ISM1: variants seen among roughly 807,000 people sequenced by gnomAD.
ISM1 encodes the protein isthmin 1, also known as isthmin-1.
In ISM1, 25 loss-of-function variants were observed where a neutral mutation model predicts 46.3. The observed-to-expected ratio is 0.54, with a 90% confidence interval of 0.39 to 0.75. ISM1 has a LOEUF of 0.75. Ranked by LOEUF, ISM1 falls within the 30% of genes least tolerant of loss-of-function variation. ISM1 has a pLI of 0.00. For missense variants in ISM1, 536 were observed against 625.4 expected (o/e 0.86, Z 1.52); for synonymous variants, 255 against 256.7 (o/e 0.99, Z 0.06).
chr20:13,270,569 A>C lies in ISM1; in HGVS notation c.204A>C (p.Pro68=). Reference sequence around the variant, plus strand: ...GCTTTTCTCTCTCCAAAGAAGCACCAAGGGAGCATCTGGACCACCAGGCTG... The same window carrying C: ...GCTTTTCTCTCTCCAAAGAAGCACCCAGGGAGCATCTGGACCACCAGGCTG... ...ETSFSLSKEA[P]REHLDHQAAH... Residue 68 remains proline (P), a synonymous_variant, in exon 2 of 6, where the codon CCA becomes CCC. Coordinates refer to ENST00000262487, the MANE Select transcript of ISM1 (RefSeq NM_080826.2). 1 of 1,613,950 alleles carries C rather than the reference A, an allele frequency of 6.2e-7. No individual in the cohort carries two copies. Among genetic ancestry groups the C allele is most frequent in the Non-Finnish European group, 8.5e-7 (1 of 1,179,836 alleles).
At chr20:13,294,831 AT>A (rs2040391112) in intron 5 of ISM1, among the ~76,000 whole-genome samples, 1 of 152,124 alleles carries the variant, frequency 6.6e-6, no homozygotes, top group African/African-American at 2.4e-5. Flanking sequence ...GAGAAGTGCT[AT>A]TTTTATGCCC....
At chr20:13,229,912 T>C (rs1000839713) in intron 1 of ISM1, among the ~76,000 whole-genome samples, 16 of 152,296 alleles carry the variant, frequency 1.1e-4, no homozygotes, top group Admixed American at 7.8e-4. Flanking sequence ...ACCTCCTCCA[T>C]AGAATTAATA....
chr20:13,322,267 A>C, the ISM1 span, among the ~76,000 whole-genome samples: 1 of 152,152 alleles, frequency 6.6e-6, no homozygotes, highest in African/African-American at 2.4e-5. Flanking sequence ...CGTCATCTTC[A>C]AAGGCAGTTT....
chr20:13,226,752 G>A (rs185720284), intron 1 of ISM1, among the ~76,000 whole-genome samples: 60 of 152,292 alleles, frequency 3.9e-4, no homozygotes, highest in Non-Finnish European at 8.1e-4. Flanking sequence ...TGGACTCAGA[G>A]CAGCAAGAGA....
rs202042016 is a variant in ISM1, at chr20:13,292,422, C to T, written c.836C>T (p.Ala279Val). 5.8e-5 allele frequency: 93 copies of T among 1,606,292 alleles called. No individual in the cohort carries two copies. Among genetic ancestry groups the T allele is most frequent in the Middle Eastern group, 4.9e-4 (3 of 6,078 alleles). ...RTAATEVSLL[A>V]GSEEFNATKL... ...GCTGCCACCGAAGTGAGTCTGCTTG[C>T]GGGAAGCGAGGAGTTTAATGCCACC... Residue 279 changes from alanine to valine, a missense_variant, in exon 5 of 6, where the codon GCG (alanine) becomes GTG (valine). Physicochemically the swap from Ala to Val is moderately conservative, Grantham distance 64. Around this residue, in one of 2 missense-constraint regions of ISM1, gnomAD observed 367 missense variants for 376.1 expected, o/e 0.98. Coordinates refer to ENST00000262487, the MANE Select transcript of ISM1 (RefSeq NM_080826.2).
At chr20:13,319,032 T>C in the ISM1 span, among the ~76,000 whole-genome samples, 1 of 152,184 alleles carries the variant, frequency 6.6e-6, no homozygotes, top group Non-Finnish European at 1.5e-5. Flanking sequence ...GTGATAATGA[T>C]GTGTCAATGT....
At chr20:13,289,712 G>A (rs2040332842) in intron 4 of ISM1, among the ~76,000 whole-genome samples, 1 of 151,954 alleles carries the variant, frequency 6.6e-6, no homozygotes, top group Non-Finnish European at 1.5e-5. Context: ...CTGCAACCAA[G>A]ACCATATGTG....
chr20:13,266,899 C>T (rs1275626806), intron 1 of ISM1, among the ~76,000 whole-genome samples: 1 of 152,276 alleles, frequency 6.6e-6, no homozygotes, highest in Admixed American at 6.5e-5. Flanking sequence ...GACTGATGTC[C>T]TCAACCAGGA....
rs1030063477 is a variant in ISM1, at chr20:13,300,340, C to T, written c.*881C>T. ...AACAAATGGGAAAAAGATAATGGACCGCATTTCACCTATTTTAATACTATT... is the reference window on the plus strand; with the variant it reads ...AACAAATGGGAAAAAGATAATGGACTGCATTTCACCTATTTTAATACTATT... On this transcript the variant is annotated 3_prime_UTR_variant, in exon 6 of 6. Coordinates refer to ENST00000262487, the MANE Select transcript of ISM1 (RefSeq NM_080826.2). 2.9e-4 allele frequency: 44 copies of T among 152,040 alleles called. No homozygotes were observed. Among genetic ancestry groups the T allele is most frequent in the South Asian group, 1.0e-3 (5 of 4,814 alleles). The allele number at this position is 152,040 out of a possible 1,614,324, so 9.4% of individuals were successfully genotyped here. A position where few individuals can be genotyped will look rare whatever the true frequency, so the allele number is the denominator to read the frequency against.
chr20:13,225,452 A>G (rs1238373733), intron 1 of ISM1, among the ~76,000 whole-genome samples: 1 of 152,216 alleles, frequency 6.6e-6, no homozygotes. Flanking sequence ...CATACATTAT[A>G]TATACATAAT....
chr20:13,322,738 T>C, the ISM1 span, among the ~76,000 whole-genome samples: 2 of 152,156 alleles, frequency 1.3e-5, no homozygotes, highest in Non-Finnish European at 2.9e-5. Flanking sequence ...GGGTGGAATA[T>C]GTGATCTTTA....
At chr20:13,293,833 G>T (rs939545355) in intron 5 of ISM1, among the ~76,000 whole-genome samples, 4 of 152,052 alleles carry the variant, frequency 2.6e-5, no homozygotes, top group Non-Finnish European at 5.9e-5. Context: ...AATTAGCTGG[G>T]CTTGGTGGCA....
chr20:13,287,564 T>A (rs1275018103), intron 3 of ISM1, among the ~76,000 whole-genome samples: 2 of 152,208 alleles, frequency 1.3e-5, no homozygotes, highest in Non-Finnish European at 2.9e-5. Context: ...ACTCATCAAT[T>A]TCTAACATGC....
intron 1 of ISM1, among the ~76,000 whole-genome samples, chr20:13,261,541 T>G (rs574510969): frequency 6.6e-6 from 1 of 152,142 alleles, no homozygotes; most frequent in East Asian, 1.9e-4. Flanking sequence ...CTACCATAAG[T>G]GCAGAGGTGC....
Position 13,292,379 on chromosome 20 carries a change from G to A in ISM1, c.793G>A (p.Glu265Lys), listed in dbSNP as rs1213218793. Residue 265 changes from glutamate to lysine, a missense_variant, in exon 5 of 6, where the codon GAA becomes AAA. Transcript: ENST00000262487. ...GAGCTCTTGTCTGTGTTTAGGAATT[G>A]AAGACACTTTTAGGACAGCTGCCAC... ...TCDRPNCPGI[E>K]DTFRTAATEV... 2 of 1,596,630 alleles carry A rather than the reference G, an allele frequency of 1.3e-6. No homozygotes were observed. Among genetic ancestry groups the A allele is most frequent in the Non-Finnish European group, 1.7e-6 (2 of 1,170,060 alleles).
intron 1 of ISM1, among the ~76,000 whole-genome samples, chr20:13,233,063 A>G (rs967569264): frequency 4.0e-5 from 6 of 151,652 alleles, no homozygotes; most frequent in Admixed American, 3.3e-4. Flanking sequence ...AGTGTCCCAG[A>G]AGAAAACTCT....
chr20:13,281,457 C>T (rs921602333), intron 3 of ISM1, among the ~76,000 whole-genome samples: 3 of 152,208 alleles, frequency 2.0e-5, no homozygotes, highest in Non-Finnish European at 4.4e-5. Flanking sequence ...AGTCCCTGTT[C>T]ATGGCGTTTC....
chr20:13,221,629 C>A lies in ISM1; in HGVS notation c.-148C>A, dbSNP rs528089953. The A allele has an allele frequency of 1.3e-5, 7 of 535,976 alleles. No homozygotes were observed. In the Admixed American group the frequency reaches 2.2e-4, roughly 17 times the overall value. 33.2% of individuals were successfully genotyped at this position (535,976 alleles called of 1,614,324 possible). On this transcript the variant is annotated 5_prime_UTR_variant, in exon 1 of 6. Transcript: ENST00000262487. ...CACACCCCGCCGCGCCCAGCGCCAGCCCCGCGGGCCCGGGAAGCGGAGCCC... is the reference window on the plus strand; with the variant it reads ...CACACCCCGCCGCGCCCAGCGCCAGACCCGCGGGCCCGGGAAGCGGAGCCC...
intron 1 of ISM1, among the ~76,000 whole-genome samples, chr20:13,238,480 G>GATCA (rs2039679338): frequency 6.6e-6 from 1 of 152,024 alleles, no homozygotes; most frequent in African/African-American, 2.4e-5. Flanking sequence ...TAAACTCCTG[G>GATCA]ATCGATTATA....
Sources: allele counts gnomAD v4.1 joint callset (sites outside exome capture counted in the v4.1 genomes callset), GRCh38; gene constraint gnomAD v4.1.1; regional missense constraint gnomAD v4.1.1; transcripts MANE v1.5; gene names NCBI Gene and HGNC (gene_info 2026-07-23, HGNC 2026-07-21).